The following DPYSL3 variants were observed in gnomAD, a reference collection of about 807,000 sequenced individuals.
DPYSL3 encodes dihydropyrimidinase like 3, also known as dihydropyrimidinase-related protein 3.
A neutral mutation model predicts 66.1 loss-of-function variants in DPYSL3; 16 were observed. The observed-to-expected ratio is 0.24, with a 90% CI of 0.16 to 0.37. The LOEUF (loss-of-function observed/expected upper bound fraction) is 0.37, where lower values mean the gene tolerates loss of function less well. Ranked by LOEUF, DPYSL3 falls within the 10% of genes least tolerant of loss-of-function variation. DPYSL3 has a pLI of 1.00. For missense variants in DPYSL3, 738 were observed against 916.2 expected (o/e 0.81, Z 2.51); for synonymous variants, 338 against 345.1 (o/e 0.98, Z 0.23).
chr5:147,397,599 T>A (rs1037218554), intron 12 of DPYSL3, 67 bp downstream of exon 12: 14 of 1,522,400 alleles, frequency 9.2e-6, no homozygotes, highest in African/African-American at 1.4e-5. Flanking sequence ...GTGTTCATGG[T>A]TACTATCTCT....
At chr5:147,408,577 T>C in intron 7 of DPYSL3, 151 bp downstream of exon 7, 3 of 738,580 alleles carry the variant, frequency 4.1e-6, no homozygotes, top group Non-Finnish European at 6.7e-6. Flanking sequence ...CATTCCTTTC[T>C]AATTTTCTCA....
intron 12 of DPYSL3, 129 bp downstream of exon 12, chr5:147,397,537 G>T: frequency 9.6e-7 from 1 of 1,042,408 alleles, no homozygotes; most frequent in Non-Finnish European, 1.4e-6. Flanking sequence ...TGTTCTTGGG[G>T]ACAAGACTGT....
At chr5:147,465,354 C>T (rs1437532642) in intron 1 of DPYSL3, among the ~76,000 whole-genome samples, 1 of 152,124 alleles carries the variant, frequency 6.6e-6, no homozygotes, top group East Asian at 1.9e-4. Context: ...GGCTGGAGTG[C>T]AGTGGCACAA....
Position 147,403,332 on chromosome 5 carries a change from A to T in DPYSL3, c.1154-1636T>A, listed in dbSNP as rs576046894. 1.0e-3 allele frequency among the ~76,000 whole-genome samples: 155 copies of T among 152,330 alleles called. No homozygotes were observed. In the South Asian group the frequency reaches 0.019, roughly 19 times the overall value. ...AAATGAAAGTCACAGCAAGCACTCA[A>T]CTACTATTGAAAGAAATAGAATCTT... On this transcript the variant is annotated intron_variant, in intron 8 of 13. Coordinates refer to ENST00000343218, the MANE Select transcript of DPYSL3 (RefSeq NM_001197294.2).
intron 1 of DPYSL3, among the ~76,000 whole-genome samples, chr5:147,443,861 T>C (rs1752579662): frequency 6.6e-6 from 1 of 152,108 alleles, no homozygotes; most frequent in Non-Finnish European, 1.5e-5. Context: ...TTTGTGTAAG[T>C]ATAACAGTGT....
intron 1 of DPYSL3, among the ~76,000 whole-genome samples, chr5:147,508,385 C>T (rs1197476149): frequency 6.6e-6 from 1 of 152,156 alleles, no homozygotes; most frequent in African/African-American, 2.4e-5. Context: ...TGTAATTGCT[C>T]TGAGGCAGAC....
At chr5:147,409,126 AT>A (rs1751789668) in intron 6 of DPYSL3, among the ~76,000 whole-genome samples, 1 of 152,132 alleles carries the variant, frequency 6.6e-6, no homozygotes, top group Admixed American at 6.5e-5. Context: ...TGCTTATCTC[AT>A]TTGTTTATTC....
chr5:147,436,661 A>G (rs990004331), intron 1 of DPYSL3, among the ~76,000 whole-genome samples: 3 of 152,244 alleles, frequency 2.0e-5, no homozygotes, highest in Admixed American at 1.3e-4. Flanking sequence ...AAATTATAAA[A>G]AAGTAAAAGA....
At chr5:147,397,234 A>G (rs944047974) in intron 12 of DPYSL3, among the ~76,000 whole-genome samples, 9 of 151,770 alleles carry the variant, frequency 5.9e-5, no homozygotes, top group Admixed American at 4.6e-4. Context: ...TCAGAGAAAT[A>G]AAGTTTTATT....
chr5:147,417,720 A>AT (rs909273238), intron 3 of DPYSL3, among the ~76,000 whole-genome samples: 18 of 152,002 alleles, frequency 1.2e-4, no homozygotes, highest in Admixed American at 7.9e-4. Context: ...AACTCCCTAG[A>AT]TTTTTTTTGG....
intron 3 of DPYSL3, among the ~76,000 whole-genome samples, chr5:147,417,851 T>C (rs1386720811): frequency 6.6e-6 from 1 of 152,190 alleles, no homozygotes; most frequent in Non-Finnish European, 1.5e-5. Flanking sequence ...AAGCACTAAA[T>C]GCAAGTGGAA....
At chr5:147,454,796 T>C (rs2126402090) in intron 1 of DPYSL3, among the ~76,000 whole-genome samples, 1 of 152,306 alleles carries the variant, frequency 6.6e-6, no homozygotes, top group Admixed American at 6.5e-5. Flanking sequence ...ATGGAATACA[T>C]TGTCCTTTAG....
intron 1 of DPYSL3, among the ~76,000 whole-genome samples, chr5:147,456,035 C>CAAT (rs1253136992): frequency 5.3e-5 from 8 of 152,296 alleles, no homozygotes; most frequent in African/African-American, 1.9e-4. Context: ...CTGGATCCGG[C>CAAT]TGCTGTGACC....
At chr5:147,468,477 C>A (rs1753040914) in intron 1 of DPYSL3, among the ~76,000 whole-genome samples, 1 of 152,170 alleles carries the variant, frequency 6.6e-6, no homozygotes, top group African/African-American at 2.4e-5. Flanking sequence ...TTTGTCACCA[C>A]AAAGTTAAAC....
intron 1 of DPYSL3, among the ~76,000 whole-genome samples, chr5:147,504,227 A>G (rs986103749): frequency 3.9e-5 from 6 of 152,214 alleles, no homozygotes; most frequent in Admixed American, 6.5e-5. Flanking sequence ...TGCCTTAAAC[A>G]TTACTTACAA....
intron 2 of DPYSL3, among the ~76,000 whole-genome samples, chr5:147,419,993 G>A (rs1398334270): frequency 1.3e-5 from 2 of 152,244 alleles, no homozygotes; most frequent in Non-Finnish European, 1.5e-5. Context: ...TTGACAACTA[G>A]TTTAATACCA....
intron 2 of DPYSL3, among the ~76,000 whole-genome samples, chr5:147,422,136 C>T (rs999288140): frequency 2.6e-5 from 4 of 152,022 alleles, no homozygotes; most frequent in Admixed American, 6.6e-5. Context: ...CTACAAGGAA[C>T]TTAAACAACT....
At chr5:147,426,703 C>G (rs916625060) in intron 1 of DPYSL3, among the ~76,000 whole-genome samples, 1 of 152,136 alleles carries the variant, frequency 6.6e-6, no homozygotes, top group Admixed American at 6.5e-5. Flanking sequence ...GACGGAGCCC[C>G]AAAACCAGCT....
At chr5:147,485,861 G>C (rs946093777) in intron 1 of DPYSL3, among the ~76,000 whole-genome samples, 1 of 152,102 alleles carries the variant, frequency 6.6e-6, no homozygotes, top group Non-Finnish European at 1.5e-5. Context: ...TTCTTCCAAG[G>C]ATATTTGTGA....
Sources: allele counts gnomAD v4.1 joint callset (sites outside exome capture counted in the v4.1 genomes callset), GRCh38; gene constraint gnomAD v4.1.1; transcripts MANE v1.5; gene names NCBI Gene and HGNC (gene_info 2026-07-23, HGNC 2026-07-21).